The following NRXN1 variants were observed in gnomAD, a reference collection of about 807,000 sequenced individuals.
The protein encoded by NRXN1 is neurexin 1.
In NRXN1, 39 loss-of-function variants were observed where a neutral mutation model predicts 150.9. That is an observed-to-expected ratio of 0.26 (90% CI 0.20 to 0.34). The LOEUF is 0.34. Among genes scored for constraint, NRXN1 ranks in the 10% least tolerant of loss-of-function variants. The pLI is 1.00. For synonymous variants in NRXN1, 924 were observed against 757.0 expected, an observed-to-expected ratio of 1.22 and a Z score of -3.62; for missense variants, 1,815 against 1,949.9, an observed-to-expected ratio of 0.93 and a Z score of 1.30.
intron 17 of NRXN1, among the ~76,000 whole-genome samples, chr2:50,370,729 T>C (rs1021141193): frequency 2.0e-4 from 31 of 151,968 alleles, no homozygotes; most frequent in Non-Finnish European, 3.2e-4. Flanking sequence ...GAATTTATGG[T>C]TGGGAGGCAT....
rs558981805 is a variant in NRXN1 at position 50,062,888 on chromosome 2, G to A, written c.3719-7844C>T. On this transcript the variant is annotated intron_variant, in intron 19 of 22. Transcript: ENST00000401669. ...ACAATGCTATGAACCAAACATTTGT[G>A]CAGAATAATATGAAAATAAAAATAA... 1.0e-3 allele frequency among the ~76,000 whole-genome samples: 153 copies of A among 152,172 alleles called. 2 individuals carry two copies. The highest frequency in any genetic ancestry group is 1.0e-2 in the South Asian group (48 of 4,818).
At chr2:50,494,369 T>G (rs983505991) in intron 15 of NRXN1, among the ~76,000 whole-genome samples, 6 of 152,210 alleles carry the variant, frequency 3.9e-5, no homozygotes, top group African/African-American at 1.4e-4. Context: ...CACTGGATTT[T>G]ACAATCTCTC....
chr2:50,454,395 T>C (rs2087315371), intron 17 of NRXN1, among the ~76,000 whole-genome samples: 1 of 152,034 alleles, frequency 6.6e-6, no homozygotes, highest in Non-Finnish European at 1.5e-5. Context: ...TGCAATGGAA[T>C]GTGAAGAAAA....
intron 21 of NRXN1, among the ~76,000 whole-genome samples, chr2:49,983,174 T>C (rs1680265813): frequency 6.6e-6 from 1 of 152,180 alleles, no homozygotes; most frequent in African/African-American, 2.4e-5. Flanking sequence ...CTTATTCAAA[T>C]AGCTCTGTGT....
rs1196663970 is a variant in NRXN1, at chr2:50,201,513, A to C, written c.3546+35276T>G. Among the ~76,000 whole-genome samples the C allele has an allele frequency of 5.3e-5, 8 of 152,308 alleles. No individual in the cohort carries two copies. The East Asian group carries it at 1.2e-3, about 22-fold the overall frequency. ...GTAACATGAGGGAAAGTAATGCATT[A>C]GTACTGTTCTAAAGTTATTCATGGA... is the stretch of plus-strand genomic sequence containing the variant. On this transcript the variant is annotated intron_variant, in intron 18 of 22. Coordinates refer to ENST00000401669, the MANE Select transcript of NRXN1 (RefSeq NM_001330078.2).
chr2:50,030,088 G>C (rs979893659), intron 21 of NRXN1, among the ~76,000 whole-genome samples: 1 of 152,112 alleles, frequency 6.6e-6, no homozygotes, highest in Non-Finnish European at 1.5e-5. Flanking sequence ...AATTTTGGAG[G>C]AGAAAGAGGG....
At chr2:50,799,081 T>C (rs1462803764) in intron 5 of NRXN1, among the ~76,000 whole-genome samples, 1 of 152,244 alleles carries the variant, frequency 6.6e-6, no homozygotes, top group Non-Finnish European at 1.5e-5. Flanking sequence ...TCTATATGTG[T>C]ATCTACCATC....
chr2:50,350,515 A>T (rs1575182531), intron 17 of NRXN1, among the ~76,000 whole-genome samples: 1 of 152,202 alleles, frequency 6.6e-6, no homozygotes, highest in East Asian at 1.9e-4. Context: ...AACGTTTGCC[A>T]TTCTCTGCGT....
intron 17 of NRXN1, among the ~76,000 whole-genome samples, chr2:50,265,708 T>A (rs944038297): frequency 4.6e-5 from 7 of 152,024 alleles, no homozygotes; most frequent in African/African-American, 1.7e-4. Context: ...AAAACAGAGG[T>A]GATATTTGGA....
At chr2:50,731,769 T>C (rs1698137782) in intron 5 of NRXN1, among the ~76,000 whole-genome samples, 1 of 152,198 alleles carries the variant, frequency 6.6e-6, no homozygotes, top group Admixed American at 6.5e-5. Context: ...AATTTATAGA[T>C]AAGCAATACA....
At chr2:50,593,645 A>G (rs1674650991) in intron 8 of NRXN1, among the ~76,000 whole-genome samples, 1 of 152,182 alleles carries the variant, frequency 6.6e-6, no homozygotes, top group South Asian at 2.1e-4. Flanking sequence ...TAATTGTGTG[A>G]TGCTATTTTA....
chr2:50,305,159 T>A (rs7569759), intron 17 of NRXN1, among the ~76,000 whole-genome samples: 34,270 of 152,118 alleles, frequency 0.23, 4,620 homozygotes, highest in East Asian at 0.38. Flanking sequence ...TGTATCCACA[T>A]TACCAGCAGG....
chr2:50,622,367 AG>A (rs1680180877), intron 6 of NRXN1, among the ~76,000 whole-genome samples: 1 of 152,218 alleles, frequency 6.6e-6, no homozygotes, highest in Non-Finnish European at 1.5e-5. Context: ...AAGGAAAACC[AG>A]AGACAATCCG....
At chr2:50,041,473 C>T (rs940372771) in intron 21 of NRXN1, among the ~76,000 whole-genome samples, 2 of 152,148 alleles carry the variant, frequency 1.3e-5, no homozygotes, top group South Asian at 2.1e-4. Flanking sequence ...AATCATTAGG[C>T]TTCCTAGAGA....
chr2:50,722,643 G>A (rs1337239681), intron 5 of NRXN1, among the ~76,000 whole-genome samples: 1 of 152,008 alleles, frequency 6.6e-6, no homozygotes, highest in Non-Finnish European at 1.5e-5. Context: ...TATTGCTTCT[G>A]CTTTTTGCTT....
intron 22 of NRXN1, among the ~76,000 whole-genome samples, chr2:49,942,327 C>T (rs1672123669): frequency 6.6e-6 from 1 of 152,178 alleles, no homozygotes. Context: ...TGGCACTCAG[C>T]AGCTGCTCTC....
intron 5 of NRXN1, among the ~76,000 whole-genome samples, chr2:50,819,525 G>C (rs1362979609): frequency 6.6e-6 from 1 of 151,930 alleles, no homozygotes; most frequent in African/African-American, 2.4e-5. Flanking sequence ...GGGATAATAG[G>C]GCATAGGGAA....
chr2:50,490,680 G>C (rs2091200452), intron 15 of NRXN1, among the ~76,000 whole-genome samples: 1 of 152,224 alleles, frequency 6.6e-6, no homozygotes, highest in South Asian at 2.1e-4. Flanking sequence ...TCTCACAGCA[G>C]TGCCAGCAGA....
chr2:50,625,615 G>T (rs1226258699), intron 5 of NRXN1, among the ~76,000 whole-genome samples: 1 of 152,028 alleles, frequency 6.6e-6, no homozygotes, highest in Non-Finnish European at 1.5e-5. Context: ...ATGGCAAGTG[G>T]TTCAATATTG....
Sources: gnomAD v4.1 joint callset for allele counts (sites outside exome capture counted in the v4.1 genomes callset) on GRCh38, gnomAD v4.1.1 for gene constraint, MANE v1.5 for transcripts, NCBI Gene and HGNC (gene_info 2026-07-23, HGNC 2026-07-21) for gene names.